Variants in AR observed in about 807,000 individuals in gnomAD.
AR encodes the protein dihydrotestosterone receptor.
AR carries 8 observed loss-of-function variants against 53.9 expected under a neutral mutation model. The ratio of observed to expected loss-of-function variants is 0.15; its 90% CI spans 0.09 to 0.27. The LOEUF (loss-of-function observed/expected upper bound fraction) is 0.27, where lower values mean the gene tolerates loss of function less well. Ranked by LOEUF, AR falls within the 10% of genes least tolerant of loss-of-function variation. The pLI is 1.00. For synonymous variants in AR, 359 were observed against 316.4 expected (o/e 1.13, Z -1.43); for missense variants, 639 against 742.5 (o/e 0.86, Z 1.62).
chrX:67,619,778 A>G (rs1924287547), intron 1 of AR, among the ~76,000 whole-genome samples: 1 of 111,122 alleles, frequency 9.0e-6, no homozygotes, highest in South Asian at 3.8e-4. Flanking sequence ...ATTGTGCTAT[A>G]TGTTGTGATG....
intron 1 of AR, among the ~76,000 whole-genome samples, chrX:67,561,196 C>T (rs1355738571): frequency 8.9e-6 from 1 of 112,030 alleles, no homozygotes; most frequent in Non-Finnish European, 1.9e-5. Flanking sequence ...TATAAGATAT[C>T]CACAGCACAT....
At chrX:67,566,855 T>A (rs972482288) in intron 1 of AR, among the ~76,000 whole-genome samples, 2 of 111,531 alleles carry the variant, frequency 1.8e-5, no homozygotes, top group African/African-American at 6.5e-5. Flanking sequence ...GGTACAATGT[T>A]AGATGTTGTC....
chrX:67,714,637 C>T (rs1237499283), intron 4 of AR, among the ~76,000 whole-genome samples: 5 of 112,071 alleles, frequency 4.5e-5, no homozygotes, highest in Non-Finnish European at 9.4e-5. Flanking sequence ...AAAACAGAGT[C>T]TCAAAGAAAC....
chrX:67,669,581 G>A (rs1372903636), intron 2 of AR, among the ~76,000 whole-genome samples: 1 of 111,599 alleles, frequency 9.0e-6, no homozygotes, highest in Admixed American at 9.5e-5. Context: ...GCAGATTAAA[G>A]CCGATGTTTC....
At chrX:67,580,768 A>T (rs1264485004) in intron 1 of AR, among the ~76,000 whole-genome samples, 1 of 111,267 alleles carries the variant, frequency 9.0e-6, no homozygotes, top group Non-Finnish European at 1.9e-5. Context: ...ATTTGTCATT[A>T]TGAATGAGTT....
At chrX:67,685,050 G>A (rs1355530814) in intron 2 of AR, among the ~76,000 whole-genome samples, 1 of 111,212 alleles carries the variant, frequency 9.0e-6, no homozygotes, top group East Asian at 2.8e-4. Flanking sequence ...AGGAGTGAGG[G>A]GATGCAGAAG....
rs1291295616 is a variant in AR, at chrX:67,695,042, A to G, written c.1885+8916A>G. ...AAGTGCTTTTTGATTGTTCTTGATC[A>G]CATATGATGGGGGCCAGGCACTGAC... On this transcript the variant is annotated intron_variant, in intron 3 of 7. Transcript: ENST00000374690. 6.1e-6 allele frequency: 5 copies of G among 822,557 alleles called. No individual in the cohort carries two copies. In the East Asian group the frequency reaches 4.2e-4, roughly 69 times the overall value. 67.8% of individuals were successfully genotyped at this position (822,557 alleles called of 1,213,427 possible). A position where few individuals can be genotyped will look rare whatever the true frequency, so the allele number is the denominator to read the frequency against.
intron 1 of AR, among the ~76,000 whole-genome samples, chrX:67,607,793 A>G (rs1926927): frequency 0.071 from 7,926 of 111,853 alleles, 694 homozygotes; most frequent in African/African-American, 0.24. Flanking sequence ...AATTTTCACA[A>G]GCTGGAGTTC....
At chrX:67,718,318 T>C (rs1318171844) in intron 5 of AR, among the ~76,000 whole-genome samples, 1 of 111,333 alleles carries the variant, frequency 9.0e-6, no homozygotes, top group Non-Finnish European at 1.9e-5. Context: ...TTTCCTTCCC[T>C]TAAACAGCTT....
chrX:67,617,072 G>A (rs1348435039), intron 1 of AR, among the ~76,000 whole-genome samples: 1 of 111,809 alleles, frequency 8.9e-6, no homozygotes. Flanking sequence ...ATATTCAGAA[G>A]TTGTGGTGTG....
chrX:67,642,075 T>A (rs1178848543), intron 1 of AR, among the ~76,000 whole-genome samples: 1 of 111,087 alleles, frequency 9.0e-6, no homozygotes. Context: ...CTTCACAGAG[T>A]TTTCGTTAGG....
chrX:67,567,457 A>G (rs1244339042), intron 1 of AR, among the ~76,000 whole-genome samples: 1 of 111,064 alleles, frequency 9.0e-6, no homozygotes, highest in Non-Finnish European at 1.9e-5. Context: ...GCCAAATGCC[A>G]CACCTCCTCC....
chrX:67,706,808 C>A (rs779933621), intron 3 of AR, among the ~76,000 whole-genome samples: 2 of 112,223 alleles, frequency 1.8e-5, no homozygotes, highest in Non-Finnish European at 3.8e-5. Flanking sequence ...TCCCTCTACA[C>A]ACTACTTTAA....
intron 2 of AR, among the ~76,000 whole-genome samples, chrX:67,649,431 A>G (rs1926224332): frequency 8.9e-6 from 1 of 111,945 alleles, no homozygotes; most frequent in Non-Finnish European, 1.9e-5. Context: ...CAGGTTCTAG[A>G]TCCTTGAGGA....
intron 3 of AR, among the ~76,000 whole-genome samples, chrX:67,705,131 T>A (rs1396878097): frequency 1.8e-5 from 2 of 111,702 alleles, no homozygotes; most frequent in Non-Finnish European, 3.8e-5. Flanking sequence ...CAATGCAGGC[T>A]CTTTTTTGGT....
intron 3 of AR, among the ~76,000 whole-genome samples, chrX:67,697,302 C>G (rs760486430): frequency 1.8e-5 from 2 of 111,524 alleles, no homozygotes; most frequent in East Asian, 5.7e-4. Flanking sequence ...AGAAAGTTCA[C>G]CTGCTTGGGG....
intron 5 of AR, among the ~76,000 whole-genome samples, chrX:67,718,238 C>T (rs759782590): frequency 5.4e-5 from 6 of 111,445 alleles, no homozygotes; most frequent in Non-Finnish European, 1.1e-4. Context: ...AGCTCTTCTG[C>T]GTCATGGTGG....
intron 1 of AR, chrX:67,569,162 A>T: frequency 3.0e-6 from 1 of 330,027 alleles, no homozygotes; most frequent in Non-Finnish European, 4.8e-6. Flanking sequence ...ATATCTTAGC[A>T]TGTTGACTAA....
In AR at chrX:67,587,908, G is replaced by C. The variant is rs190814970; in HGVS notation, c.1616+41146G>C. 3.6e-5 allele frequency among the ~76,000 whole-genome samples: 4 copies of C among 110,043 alleles called. No individual in the cohort carries two copies. The Admixed American group carries it at 3.9e-4, about 11-fold the overall frequency. Reference sequence around the variant, plus strand: ...CCCCTTCCCCAGTCCTGTCCCCCGAGACATTCAGTAGTTATTCACAGGCAT... The same window carrying C: ...CCCCTTCCCCAGTCCTGTCCCCCGACACATTCAGTAGTTATTCACAGGCAT... On this transcript the variant is annotated intron_variant, in intron 1 of 7. Transcript: ENST00000374690.
Sources: gnomAD v4.1 joint callset for allele counts (sites outside exome capture counted in the v4.1 genomes callset) on GRCh38, gnomAD v4.1.1 for gene constraint, MANE v1.5 for transcripts, NCBI Gene and HGNC (gene_info 2026-07-23, HGNC 2026-07-21) for gene names.